The following ATRNL1 variants were observed in gnomAD, a reference collection of about 807,000 sequenced individuals.
ATRNL1 encodes the protein attractin-like protein 1.
In ATRNL1, 95 loss-of-function variants were observed where a neutral mutation model predicts 182.7. The observed-to-expected ratio is 0.52, with a 90% CI of 0.44 to 0.62. The LOEUF is 0.62. Among genes scored for constraint, ATRNL1 ranks in the 20% least tolerant of loss-of-function variants. The pLI is 0.00. For missense variants in ATRNL1, 1,471 were observed against 1,679.5 expected, an observed-to-expected ratio of 0.88 and a Z score of 2.17; for synonymous variants, 576 against 568.3, an observed-to-expected ratio of 1.01 and a Z score of -0.19.
chr10:115,094,170 A>C (rs1257048246), intron 1 of ATRNL1, 127 bp downstream of exon 1: 26 of 1,007,850 alleles, frequency 2.6e-5, no homozygotes, highest in South Asian at 3.8e-5. Context: ...AGTGAACCTC[A>C]GCGCGCGGCG....
chr10:115,436,524 T>G (rs1271746429), intron 21 of ATRNL1, among the ~76,000 whole-genome samples: 2 of 152,112 alleles, frequency 1.3e-5, no homozygotes, highest in East Asian at 1.9e-4. Context: ...GTGCAACAGA[T>G]TTTACTTTTG....
intron 1 of ATRNL1, among the ~76,000 whole-genome samples, chr10:115,102,202 T>C (rs1425284735): frequency 6.6e-6 from 1 of 152,232 alleles, no homozygotes; most frequent in African/African-American, 2.4e-5. Flanking sequence ...CATAAAATTT[T>C]GGATTATGTC....
intron 10 of ATRNL1, among the ~76,000 whole-genome samples, chr10:115,242,452 A>G (rs1850462421): frequency 6.6e-6 from 1 of 151,976 alleles, no homozygotes; most frequent in South Asian, 2.1e-4. Flanking sequence ...ATCATATTAT[A>G]TATAAAACCT....
intron 27 of ATRNL1, among the ~76,000 whole-genome samples, chr10:115,753,166 C>T (rs1318319391): frequency 2.0e-5 from 3 of 151,848 alleles, no homozygotes; most frequent in African/African-American, 7.3e-5. Context: ...TAAAAATTCT[C>T]TTTAACTAGA....
intron 27 of ATRNL1, among the ~76,000 whole-genome samples, chr10:115,827,713 C>G (rs1555092401): frequency 6.6e-6 from 1 of 152,078 alleles, no homozygotes; most frequent in African/African-American, 2.4e-5. Context: ...CAGATTGGCT[C>G]CACATGCCAC....
intron 26 of ATRNL1, among the ~76,000 whole-genome samples, chr10:115,713,449 G>GTGTGTGTGTGTGTGTCTGTGTT (rs1555055205): frequency 7.3e-6 from 1 of 137,598 alleles, no homozygotes; most frequent in African/African-American, 2.6e-5. Flanking sequence ...GTGGCTGTGT[G>GTGTGTGTGTGTGTGTCTGTGTT]TGTGTGTGTG....
At chr10:115,385,920 C>G (rs1337886815) in intron 19 of ATRNL1, among the ~76,000 whole-genome samples, 1 of 152,158 alleles carries the variant, frequency 6.6e-6, no homozygotes, top group Non-Finnish European at 1.5e-5. Flanking sequence ...ATTGATCACT[C>G]TCTTTGGCCT....
chr10:115,399,513 A>G (rs1554956452), intron 20 of ATRNL1, among the ~76,000 whole-genome samples: 2 of 151,792 alleles, frequency 1.3e-5, no homozygotes, highest in African/African-American at 4.8e-5. Flanking sequence ...CAGTGGTAAT[A>G]CCCTTCTTGT....
At chr10:115,367,584 G>C (rs914368937) in intron 19 of ATRNL1, among the ~76,000 whole-genome samples, 4 of 151,962 alleles carry the variant, frequency 2.6e-5, no homozygotes, top group Admixed American at 6.6e-5. Context: ...CTTTGGAGGA[G>C]GAGAGGAACT....
At chr10:115,852,707 G>A (rs2134369017) in intron 28 of ATRNL1, among the ~76,000 whole-genome samples, 1 of 152,290 alleles carries the variant, frequency 6.6e-6, no homozygotes, top group South Asian at 2.1e-4. Flanking sequence ...CTGGGGCATA[G>A]CCCTTATTCC....
At chr10:115,300,377 C>A in intron 16 of ATRNL1, 130 bp downstream of exon 16, 1 of 651,636 alleles carries the variant, frequency 1.5e-6, no homozygotes. Context: ...CATTCTTCCC[C>A]ACTTACTATT....
intron 28 of ATRNL1, 148 bp downstream of exon 28, chr10:115,848,139 C>T (rs1950972370): frequency 2.0e-5 from 12 of 602,154 alleles, no homozygotes; most frequent in South Asian, 6.1e-5. Flanking sequence ...CAAACTTTTA[C>T]CCAACTATCT....
intron 20 of ATRNL1, among the ~76,000 whole-genome samples, chr10:115,420,039 A>ATT (rs34280609): frequency 0.036 from 4,600 of 127,820 alleles, 206 homozygotes; most frequent in African/African-American, 0.083. Flanking sequence ...TGTCTTAACA[A>ATT]TTTTTTTTTT....
At chr10:115,432,059 T>G (rs1007187110) in intron 21 of ATRNL1, among the ~76,000 whole-genome samples, 2 of 152,140 alleles carry the variant, frequency 1.3e-5, no homozygotes, top group Non-Finnish European at 1.5e-5. Context: ...TAATTTAAAA[T>G]TTTCTAGTAG....
intron 26 of ATRNL1, among the ~76,000 whole-genome samples, chr10:115,700,658 C>T (rs1946705472): frequency 2.0e-5 from 3 of 151,894 alleles, no homozygotes; most frequent in Admixed American, 1.3e-4. Context: ...GTCTGTTATA[C>T]TTTGTTGATA....
intron 8 of ATRNL1, among the ~76,000 whole-genome samples, chr10:115,180,920 T>C (rs1325029830): frequency 6.6e-6 from 1 of 151,904 alleles, no homozygotes; most frequent in Non-Finnish European, 1.5e-5. Context: ...TAAATTCTGT[T>C]GACTCTGTTG....
intron 20 of ATRNL1, among the ~76,000 whole-genome samples, chr10:115,397,743 T>C (rs1394196302): frequency 6.6e-6 from 1 of 151,936 alleles, no homozygotes; most frequent in African/African-American, 2.4e-5. Context: ...GAAATGAACA[T>C]GATCATAGCA....
intron 28 of ATRNL1, among the ~76,000 whole-genome samples, chr10:115,905,474 C>G (rs1197992481): frequency 2.0e-5 from 3 of 151,894 alleles, no homozygotes; most frequent in Admixed American, 6.6e-5. Context: ...AAGTGATCCA[C>G]CCACCTCGGC....
chr10:115,166,031 G>A (rs1287706960), intron 7 of ATRNL1, among the ~76,000 whole-genome samples: 3 of 151,808 alleles, frequency 2.0e-5, no homozygotes, highest in African/African-American at 4.8e-5. Flanking sequence ...ATTTTTCATC[G>A]GGCAAAACTG....
Sources: allele counts gnomAD v4.1 joint callset (sites outside exome capture counted in the v4.1 genomes callset), GRCh38; gene constraint gnomAD v4.1.1; transcripts MANE v1.5; gene names NCBI Gene and HGNC (gene_info 2026-07-23, HGNC 2026-07-21).